TXNL1: variants seen among roughly 807,000 people sequenced by gnomAD.
The protein encoded by TXNL1 is thioredoxin-like protein 1.
Under a neutral mutation model 35.5 loss-of-function variants are expected in TXNL1, and 14 were observed. That is an observed-to-expected ratio of 0.39 (90% confidence interval 0.26 to 0.62). The LOEUF (loss-of-function observed/expected upper bound fraction) is 0.62, where lower values mean the gene tolerates loss of function less well. Among genes scored for constraint, TXNL1 ranks in the 20% least tolerant of loss-of-function variants. TXNL1 has a pLI of 0.47. For synonymous variants in TXNL1, 110 were observed against 115.5 expected, an observed-to-expected ratio of 0.95 and a Z score of 0.31; for missense variants, 263 against 349.7, an observed-to-expected ratio of 0.75 and a Z score of 1.98.
rs2144270676 is a variant in TXNL1 at position 56,602,501 on chromosome 18, G to C, written c.*526C>G. ...GACCCATTAGCTAAGTTTTAGGTAA[G>C]AGTAGCTAAATCTCATTAAACCTGT... On this transcript the variant is annotated 3_prime_UTR_variant, in exon 8 of 8. Transcript: ENST00000217515. The C allele has an allele frequency of 6.6e-6, 1 of 152,300 alleles. No homozygotes were observed. The highest frequency in any genetic ancestry group is 1.9e-4 in the East Asian group (1 of 5,188). 9.4% of individuals were successfully genotyped at this position (152,300 alleles called of 1,614,324 possible).
chr18:56,613,997 T>C (rs959619161), intron 6 of TXNL1, among the ~76,000 whole-genome samples: 5 of 151,278 alleles, frequency 3.3e-5, no homozygotes, highest in Non-Finnish European at 7.4e-5. Flanking sequence ...CGAGACTCCA[T>C]CTCAAAAAAA....
chr18:56,610,553 G>C (rs941367244), intron 7 of TXNL1: 1 of 152,426 alleles, frequency 6.6e-6, no homozygotes, highest in African/African-American at 2.4e-5. Context: ...TAACATGTCA[G>C]TATATTAAAA....
At chr18:56,608,732 T>C (rs761498399) in intron 7 of TXNL1, 18 of 152,100 alleles carry the variant, frequency 1.2e-4, no homozygotes, top group Non-Finnish European at 2.1e-4. Context: ...AAGGACACTA[T>C]AAGGCTCGTA....
At chr18:56,620,348 GCTTT>G (rs1213296291) in intron 3 of TXNL1, among the ~76,000 whole-genome samples, 1 of 152,180 alleles carries the variant, frequency 6.6e-6, no homozygotes, top group Non-Finnish European at 1.5e-5. Context: ...CTGGTCTGCA[GCTTT>G]CTTTTTTGGT....
intron 1 of TXNL1, among the ~76,000 whole-genome samples, chr18:56,628,933 C>T (rs1279140086): frequency 6.6e-6 from 1 of 152,124 alleles, no homozygotes; most frequent in Non-Finnish European, 1.5e-5. Context: ...TCCTGAAAGC[C>T]ATACACCAAA....
In TXNL1 at chr18:56,600,767, G is replaced by A. The variant is rs181494556; in HGVS notation, c.*2260C>T. 2 of 152,402 alleles carry A rather than the reference G, an allele frequency of 1.3e-5. No individual in the cohort carries two copies. The highest frequency in any genetic ancestry group is 2.1e-4 in the South Asian group (1 of 4,826). 9.4% of individuals were successfully genotyped at this position (152,402 alleles called of 1,614,324 possible). A position where few individuals can be genotyped will look rare whatever the true frequency, so the allele number is the denominator to read the frequency against. On this transcript the variant is annotated 3_prime_UTR_variant, in exon 8 of 8. Transcript: ENST00000217515. ...GCTTGATGTCAAAGAGAACTCAGAAGGATTATAAAAGCCTGTCGTGGGCAC... is the reference window on the plus strand; with the variant it reads ...GCTTGATGTCAAAGAGAACTCAGAAAGATTATAAAAGCCTGTCGTGGGCAC...
chr18:56,614,449 TTAACA>T lies in TXNL1; in HGVS notation c.705_709del (p.Tyr235Ter). The T allele has an allele frequency of 1.2e-6, 2 of 1,613,664 alleles. No homozygotes were observed. The highest frequency in any genetic ancestry group is 1.7e-6 in the Non-Finnish European group (2 of 1,179,864). On this transcript the variant is annotated stop_gained and frameshift_variant, in exon 6 of 8. Coordinates refer to ENST00000217515, the MANE Select transcript of TXNL1 (RefSeq NM_004786.3). LOFTEE classifies it high-confidence loss of function. ...AGTTACACTGTTAACATTCTGAAAC[TTAACA>T]TAACGAAGTGGAACAATGCCATCTT...
intron 7 of TXNL1, chr18:56,609,608 T>C (rs748491710): frequency 1.3e-5 from 2 of 152,086 alleles, no homozygotes; most frequent in Non-Finnish European, 2.9e-5. Flanking sequence ...ATAATAGTAA[T>C]AGATCTTATA....
At chr18:56,609,511 G>GA (rs1159985580) in intron 7 of TXNL1, 4 of 151,968 alleles carry the variant, frequency 2.6e-5, no homozygotes, top group Non-Finnish European at 5.9e-5. Context: ...GGTGGTTACA[G>GA]AAAAAAATGA....
At chr18:56,609,077 T>A (rs568453261) in intron 7 of TXNL1, 1 of 152,174 alleles carries the variant, frequency 6.6e-6, no homozygotes, top group African/African-American at 2.4e-5. Flanking sequence ...TTTACAAATA[T>A]TTTTTATATT....
intron 3 of TXNL1, among the ~76,000 whole-genome samples, chr18:56,619,603 T>C (rs1221096992): frequency 6.6e-6 from 1 of 151,630 alleles, no homozygotes; most frequent in Non-Finnish European, 1.5e-5. Context: ...TTTAATCTAG[T>C]CATTTAGCTT....
At chr18:56,615,412 A>G (rs1030348750) in intron 5 of TXNL1, among the ~76,000 whole-genome samples, 12 of 141,482 alleles carry the variant, frequency 8.5e-5, no homozygotes, top group African/African-American at 3.0e-4. Context: ...AAAAATCAGA[A>G]CCCTAGTCTC....
rs577663209 is a variant in TXNL1 at position 56,602,936 on chromosome 18, A to G, written c.*91T>C. ...AATGATTTATTGGTAATGGCAATGAATGAAACATTGACAGTCTCTGGCGAG... is the reference window on the plus strand; with the variant it reads ...AATGATTTATTGGTAATGGCAATGAGTGAAACATTGACAGTCTCTGGCGAG... On this transcript the variant is annotated 3_prime_UTR_variant, in exon 8 of 8. Transcript: ENST00000217515. 1 of 1,324,066 alleles carries G rather than the reference A, an allele frequency of 7.6e-7. No individual in the cohort carries two copies. Among genetic ancestry groups the G allele is most frequent in the Non-Finnish European group, 1.1e-6 (1 of 919,246 alleles). 82.0% of individuals were successfully genotyped at this position (1,324,066 alleles called of 1,614,324 possible).
In TXNL1 at chr18:56,614,624, G is replaced by C. The variant is rs756319114; in HGVS notation, c.563-28C>G. ...ATACAATGGTAGAATAAAATAAAATGTTTAAAAACCTCAAATATACTATAC... is the reference window on the plus strand; with the variant it reads ...ATACAATGGTAGAATAAAATAAAATCTTTAAAAACCTCAAATATACTATAC... On this transcript the variant is annotated intron_variant, in intron 5 of 7. Transcript: ENST00000217515. 1.1e-5 allele frequency: 18 copies of C among 1,579,646 alleles called. No homozygotes were observed. The East Asian group carries it at 3.8e-4, about 34-fold the overall frequency.
chr18:56,608,255 T>C (rs2023934093), intron 7 of TXNL1: 1 of 152,206 alleles, frequency 6.6e-6, no homozygotes, highest in Admixed American at 6.5e-5. Flanking sequence ...TTCAGTTACA[T>C]GTAAACCCTC....
In TXNL1 at chr18:56,614,439, A is replaced by G. The variant is rs757535607; in HGVS notation, c.720T>C (p.Asn240=). 1 of 1,613,498 alleles carries G rather than the reference A, an allele frequency of 6.2e-7. No individual in the cohort carries two copies. The highest frequency in any genetic ancestry group is 8.5e-7 in the Non-Finnish European group (1 of 1,179,778). The part of the protein sequence containing the change: ...IVPLRYVKFQ[N]VNSVTIFVQS... ...TACTACTTACAGTTACACTGTTAAC[A>G]TTCTGAAACTTAACATAACGAAGTG... The change falls in exon 6 of 8, where the codon AAT becomes AAC. Residue 240 remains asparagine, a synonymous_variant. Transcript: ENST00000217515.
intron 7 of TXNL1, among the ~76,000 whole-genome samples, chr18:56,608,012 A>G: frequency 6.6e-6 from 1 of 152,190 alleles, no homozygotes; most frequent in Non-Finnish European, 1.5e-5. Flanking sequence ...AACCATCTGT[A>G]TAGGAAAATA....
chr18:56,625,682 A>G (rs1488039474), intron 2 of TXNL1, among the ~76,000 whole-genome samples: 2 of 152,248 alleles, frequency 1.3e-5, no homozygotes, highest in African/African-American at 4.8e-5. Flanking sequence ...GTAACTACAC[A>G]CTACATAATA....
At chr18:56,631,749 C>T (rs1212954469) in intron 1 of TXNL1, among the ~76,000 whole-genome samples, 1 of 151,988 alleles carries the variant, frequency 6.6e-6, no homozygotes, top group Non-Finnish European at 1.5e-5. Context: ...GTGAAACCCC[C>T]GTCTCTACTA....
Sources: gnomAD v4.1 joint callset for allele counts (sites outside exome capture counted in the v4.1 genomes callset) on GRCh38, gnomAD v4.1.1 for gene constraint, MANE v1.5 for transcripts, NCBI Gene and HGNC (gene_info 2026-07-23, HGNC 2026-07-21) for gene names.